The following TRPC6 variants were observed in gnomAD, a reference collection of about 807,000 sequenced individuals.
The protein encoded by TRPC6 is short transient receptor potential channel 6.
In TRPC6, 55 loss-of-function variants were observed where a neutral mutation model predicts 90.7. That is an observed-to-expected ratio of 0.61 (90% CI 0.49 to 0.76). The LOEUF is 0.76. TRPC6 is among the 30% of genes least tolerant of loss of function. TRPC6 has a pLI of 0.00. For missense variants in TRPC6, 989 were observed against 1,122.7 expected (o/e 0.88, Z 1.70); for synonymous variants, 393 against 393.0 (o/e 1.00, Z 0.00).
intron 3 of TRPC6, among the ~76,000 whole-genome samples, chr11:101,489,887 G>A (rs1859765322): frequency 6.6e-6 from 1 of 152,086 alleles, no homozygotes. Flanking sequence ...AAGGAGTTGA[G>A]TCTAAAACAA....
intron 1 of TRPC6, among the ~76,000 whole-genome samples, chr11:101,547,999 T>C (rs1861348715): frequency 6.6e-6 from 1 of 152,054 alleles, no homozygotes; most frequent in Admixed American, 6.6e-5. Context: ...ATAAACTGTA[T>C]CCAGGAGATG....
intron 5 of TRPC6, among the ~76,000 whole-genome samples, chr11:101,478,667 G>A (rs1859472267): frequency 6.6e-6 from 1 of 152,146 alleles, no homozygotes; most frequent in African/African-American, 2.4e-5. Flanking sequence ...CCCGCATCAA[G>A]TCCAAGCTTG....
At chr11:101,519,445 T>C (rs1305517776) in intron 1 of TRPC6, among the ~76,000 whole-genome samples, 1 of 152,172 alleles carries the variant, frequency 6.6e-6, no homozygotes, top group Non-Finnish European at 1.5e-5. Context: ...CTAAGTGGAA[T>C]ATTTACCTTC....
intron 1 of TRPC6, among the ~76,000 whole-genome samples, chr11:101,518,697 C>A (rs1305298142): frequency 2.6e-5 from 4 of 152,222 alleles, no homozygotes; most frequent in Admixed American, 2.6e-4. Flanking sequence ...GGTATATACA[C>A]AAAAGAAAGG....
chr11:101,558,398 TACACACACACATATAC>T (rs1317883653), intron 1 of TRPC6, among the ~76,000 whole-genome samples: 2 of 75,326 alleles, frequency 2.7e-5, no homozygotes, highest in Non-Finnish European at 5.1e-5. Context: ...TGTATACATA[TACACACACACATATAC>T]ACACACACAT....
At chr11:101,481,656 T>C (rs931603334) in intron 5 of TRPC6, among the ~76,000 whole-genome samples, 13 of 152,162 alleles carry the variant, frequency 8.5e-5, no homozygotes, top group African/African-American at 3.1e-4. Context: ...GGGGTTTACC[T>C]ATTAGGGTGC....
intron 1 of TRPC6, among the ~76,000 whole-genome samples, chr11:101,547,136 C>T (rs1035365821): frequency 6.6e-6 from 1 of 152,022 alleles, no homozygotes; most frequent in Non-Finnish European, 1.5e-5. Flanking sequence ...TTGGCCATTG[C>T]TACATGGAAT....
chr11:101,479,674 A>G (rs1004239056), intron 5 of TRPC6, among the ~76,000 whole-genome samples: 1 of 152,196 alleles, frequency 6.6e-6, no homozygotes, highest in Non-Finnish European at 1.5e-5. Context: ...TGAACCAGGA[A>G]TCTAACATAG....
At position 101,476,228 on chromosome 11, in the gene TRPC6, C is replaced by T. The variant is rs181814385; in HGVS notation, c.1744+73G>A. 2,811 of 1,271,162 alleles carry T rather than the reference C, an allele frequency of 2.2e-3. 9 individuals are homozygous for T. The highest frequency in any genetic ancestry group is 3.0e-3 in the Admixed American group (162 of 54,862). The allele number at this position is 1,271,162 out of a possible 1,614,324, so 78.7% of individuals were successfully genotyped here. A position where few individuals can be genotyped will look rare whatever the true frequency, so the allele number is the denominator to read the frequency against. ...AATTTTATGAGAATTGTGCAGTAAC[C>T]GAACTACTACTGACATCTGTTTTAC... On this transcript the variant is annotated intron_variant, in intron 6 of 12. Coordinates refer to ENST00000344327, the MANE Select transcript of TRPC6 (RefSeq NM_004621.6).
chr11:101,541,991 T>C (rs751401821), intron 1 of TRPC6, among the ~76,000 whole-genome samples: 99 of 152,208 alleles, frequency 6.5e-4, no homozygotes, highest in Non-Finnish European at 1.3e-3. Context: ...ATAATTCAGA[T>C]TGAAATCAGC....
intron 10 of TRPC6, among the ~76,000 whole-genome samples, chr11:101,466,891 A>G (rs942650669): frequency 6.6e-6 from 1 of 152,196 alleles, no homozygotes; most frequent in Admixed American, 6.5e-5. Flanking sequence ...GTGAGTTGCA[A>G]AGACCATGGG....
intron 1 of TRPC6, among the ~76,000 whole-genome samples, chr11:101,509,375 G>A (rs1343805266): frequency 6.6e-6 from 1 of 151,840 alleles, no homozygotes; most frequent in African/African-American, 2.4e-5. Flanking sequence ...TGGGATTACA[G>A]GTATGAGCCA....
intron 1 of TRPC6, among the ~76,000 whole-genome samples, chr11:101,537,305 T>C (rs1050682762): frequency 3.9e-5 from 6 of 152,208 alleles, no homozygotes; most frequent in Non-Finnish European, 7.3e-5. Context: ...TTCATTTACT[T>C]TATCCCACAT....
At chr11:101,490,083 G>T (rs1591081542) in intron 3 of TRPC6, among the ~76,000 whole-genome samples, 1 of 152,200 alleles carries the variant, frequency 6.6e-6, no homozygotes, top group South Asian at 2.1e-4. Context: ...CCACATGTAA[G>T]AATTTTTGTT....
chr11:101,525,859 C>T (rs1255696359), intron 1 of TRPC6, among the ~76,000 whole-genome samples: 3 of 152,160 alleles, frequency 2.0e-5, no homozygotes, highest in Non-Finnish European at 4.4e-5. Context: ...AGGCAAGAGA[C>T]TATGGCTACA....
At chr11:101,478,716 C>A (rs974091052) in intron 5 of TRPC6, among the ~76,000 whole-genome samples, 3 of 152,176 alleles carry the variant, frequency 2.0e-5, no homozygotes, top group South Asian at 4.2e-4. Context: ...AGCCTCTGCT[C>A]GTATAGATCT....
chr11:101,492,298 T>C (rs1466663886), intron 2 of TRPC6, among the ~76,000 whole-genome samples: 1 of 152,124 alleles, frequency 6.6e-6, no homozygotes, highest in Admixed American at 6.5e-5. Context: ...AAAAAGAGTA[T>C]GCTGGCCGGG....
rs10643968 is a variant in TRPC6, at chr11:101,541,363, T to TTTTTTG, written c.171-36571_171-36566dup. On this transcript the variant is annotated intron_variant, in intron 1 of 12. Coordinates refer to ENST00000344327, the MANE Select transcript of TRPC6 (RefSeq NM_004621.6). ...AAATTTCTTCTTAAAATGACTGTATTTTTTTGTTTTTGTTTTGAGACGGAG... is the reference window on the plus strand; with the variant it reads ...AAATTTCTTCTTAAAATGACTGTATTTTTTTGTTTTTGTTTTTGTTTTGAGACGGAG... Among the ~76,000 whole-genome samples, 1,113 of 152,222 alleles carry TTTTTTG rather than the reference T, an allele frequency of 7.3e-3. 20 individuals are homozygous for TTTTTTG. Among genetic ancestry groups the TTTTTTG allele is most frequent in the African/African-American group, 0.026 (1,062 of 41,512 alleles).
At position 101,527,094 on chromosome 11, in the gene TRPC6, G is replaced by T. The variant is rs533908498; in HGVS notation, c.171-22296C>A. ...AAAGCACACTACTAACACTGGAGAA[G>T]AAAAACATGCTGGCAATATGAACAA... On this transcript the variant is annotated intron_variant, in intron 1 of 12. Coordinates refer to ENST00000344327, the MANE Select transcript of TRPC6 (RefSeq NM_004621.6). 5.9e-4 allele frequency among the ~76,000 whole-genome samples: 90 copies of T among 151,994 alleles called. 1 individual carries two copies. Among genetic ancestry groups the T allele is most frequent in the Non-Finnish European group, 1.1e-3 (72 of 67,960 alleles).
Sources: allele counts gnomAD v4.1 joint callset (sites outside exome capture counted in the v4.1 genomes callset), GRCh38; gene constraint gnomAD v4.1.1; transcripts MANE v1.5; gene names NCBI Gene and HGNC (gene_info 2026-07-23, HGNC 2026-07-21).